Variants in GPER1 observed in about 807,000 individuals in gnomAD.
GPER1 encodes G protein-coupled receptor 30.
A neutral mutation model predicts 0.6 loss-of-function variants in GPER1; 2 were observed. That is an observed-to-expected ratio of 3.41 (90% confidence interval 1.39 to 10.72). The LOEUF is 10.72. GPER1 is among the 30% of genes most tolerant of loss of function. The pLI is 0.04. For synonymous variants in GPER1, 263 were observed against 247.6 expected (o/e 1.06, Z -0.58); for missense variants, 441 against 535.2 (o/e 0.82, Z 1.74).
chr7:1,091,879 G>A lies in GPER1; in HGVS notation c.151G>A (p.Glu51Lys). 1.2e-6 allele frequency: 2 copies of A among 1,613,872 alleles called. No individual in the cohort carries two copies. The highest frequency in any genetic ancestry group is 1.7e-6 in the Non-Finnish European group (2 of 1,179,844). Residue 51 changes from glutamate (E) to lysine (K), a missense_variant, in exon 2 of 2, where the codon GAG becomes AAG. By Grantham distance (56) the Glu-to-Lys change is moderately conservative (BLOSUM62 1). Coordinates refer to ENST00000397088, the MANE Select transcript of GPER1 (RefSeq NM_001098201.3). ...GGCCAATGGGACAGGTGAGCTCTCG[G>A]AGCACCAGCAGTACGTGATCGGCCT... ...ALANGTGELS[E>K]HQQYVIGLFL...
In GPER1 at chr7:1,092,535, C is replaced by T. The variant is rs773193769; in HGVS notation, c.807C>T (p.Phe269=). Residue 269 remains phenylalanine, a synonymous_variant, in exon 2 of 2, where the codon TTC becomes TTT. Transcript: ENST00000397088. ...TCCTCGCGGTGGTGCTGGTCTTCTTCGTCTGCTGGCTGCCGGAGAACGTCT... is the reference window on the plus strand; with the variant it reads ...TCCTCGCGGTGGTGCTGGTCTTCTTTGTCTGCTGGCTGCCGGAGAACGTCT... ...RMILAVVLVF[F]VCWLPENVFI... The T allele has an allele frequency of 8.1e-6, 13 of 1,608,688 alleles. No homozygotes were observed. The highest frequency in any genetic ancestry group is 3.3e-4 in the Middle Eastern group (2 of 6,084).
At position 1,092,033 on chromosome 7, in the gene GPER1, C is replaced by A. The variant is rs772021649; in HGVS notation, c.305C>A (p.Ala102Glu). Residue 102 changes from alanine (A) to glutamate (E), a missense_variant, in exon 2 of 2, where the codon GCG (alanine) becomes GAG (glutamate). Ala to Glu is a moderately radical substitution (Grantham distance 107, BLOSUM62 -1). Coordinates refer to ENST00000397088, the MANE Select transcript of GPER1 (RefSeq NM_001098201.3). ...TIPDLYFINL[A>E]VADLILVADS... The stretch of plus-strand genomic sequence containing the variant: ...CCCGACCTGTACTTCATCAACCTGG[C>A]GGTGGCGGACCTCATCCTGGTGGCC... 1.9e-6 allele frequency: 3 copies of A among 1,613,940 alleles called. No individual in the cohort carries two copies. Among genetic ancestry groups the A allele is most frequent in the East Asian group, 2.2e-5 (1 of 44,882 alleles).
Position 1,088,494 on chromosome 7 carries a change from C to T in GPER1, c.-323+173C>T, listed in dbSNP as rs933970562. On this transcript the variant is annotated intron_variant, in intron 1 of 1. Coordinates refer to ENST00000397088, the MANE Select transcript of GPER1 (RefSeq NM_001098201.3). The surrounding 1 kb of genome is among the most constrained non-coding windows in gnomAD (Gnocchi z 4.5). ...AACTCAAGGCACAGACCCCTCTCCCCCGGAGCTCCGGTGGTCTCAGCGTGA... is the reference window on the plus strand; with the variant it reads ...AACTCAAGGCACAGACCCCTCTCCCTCGGAGCTCCGGTGGTCTCAGCGTGA... Among the ~76,000 whole-genome samples, 1 of 152,208 alleles carries T rather than the reference C, an allele frequency of 6.6e-6. No homozygotes were observed. The highest frequency in any genetic ancestry group is 2.4e-5 in the African/African-American group (1 of 41,466).
Position 1,092,715 on chromosome 7 carries a change from G to A in GPER1, c.987G>A (p.Glu329=). 1 of 1,613,528 alleles carries A rather than the reference G, an allele frequency of 6.2e-7. No individual in the cohort carries two copies. Among genetic ancestry groups the A allele is most frequent in the Non-Finnish European group, 8.5e-7 (1 of 1,180,030 alleles). The change falls in exon 2 of 2, where the codon GAG becomes GAA. Residue 329 remains glutamate, a synonymous_variant. Transcript: ENST00000397088. ...LNPLIYSFLG[E]TFRDKLRLYI... Reference sequence around the variant, plus strand: ...CCCTCATCTACAGCTTTCTCGGGGAGACCTTCAGGGACAAGCTGAGGCTGT... The same window carrying A: ...CCCTCATCTACAGCTTTCTCGGGGAAACCTTCAGGGACAAGCTGAGGCTGT...
intron 1 of GPER1, among the ~76,000 whole-genome samples, chr7:1,090,671 G>A (rs1583783045): frequency 6.6e-6 from 1 of 152,362 alleles, no homozygotes; most frequent in East Asian, 1.9e-4. Flanking sequence ...GCACCGCCGT[G>A]GGCGGACAGC....
Position 1,093,781 on chromosome 7 carries a change from G to A in GPER1, c.*925G>A. The stretch of plus-strand genomic sequence containing the variant: ...AAGCTGATGAGGCTGGTGACGTTCA[G>A]CCTTTGTCAATAAACCTGTCATGTG... On this transcript the variant is annotated 3_prime_UTR_variant, in exon 2 of 2. Coordinates refer to ENST00000397088, the MANE Select transcript of GPER1 (RefSeq NM_001098201.3). 2.3e-6 allele frequency: 1 copy of A among 429,096 alleles called. No homozygotes were observed. Among genetic ancestry groups the A allele is most frequent in the South Asian group, 1.7e-5 (1 of 57,346 alleles). 26.6% of individuals were successfully genotyped at this position (429,096 alleles called of 1,614,324 possible). A position where few individuals can be genotyped will look rare whatever the true frequency, so the allele number is the denominator to read the frequency against.
chr7:1,087,145 G>C (rs1445211870), upstream of GPER1: 1 of 152,264 alleles, frequency 6.6e-6, no homozygotes, highest in African/African-American at 2.4e-5. Flanking sequence ...AGTCCGGGGA[G>C]GGAGGTTTAT....
Position 1,092,699 on chromosome 7 carries a change from A to G in GPER1, c.971A>G (p.Tyr324Cys). Reference sequence around the variant, plus strand: ...AACAGCTGCCTAAACCCCCTCATCTACAGCTTTCTCGGGGAGACCTTCAGG... The same window carrying G: ...AACAGCTGCCTAAACCCCCTCATCTGCAGCTTTCTCGGGGAGACCTTCAGG... ...FSNSCLNPLI[Y>C]SFLGETFRDK... Residue 324 changes from tyrosine (Y) to cysteine (C), a missense_variant, in exon 2 of 2, where the codon TAC becomes TGC. Physicochemically the swap from Tyr to Cys is radical, Grantham distance 194. Coordinates refer to ENST00000397088, the MANE Select transcript of GPER1 (RefSeq NM_001098201.3). 6.2e-7 allele frequency: 1 copy of G among 1,612,970 alleles called. No homozygotes were observed. Among genetic ancestry groups the G allele is most frequent in the Non-Finnish European group, 8.5e-7 (1 of 1,179,884 alleles).
chr7:1,092,565 C>T lies in GPER1; in HGVS notation c.837C>T (p.Ile279=). 2 of 1,610,580 alleles carry T rather than the reference C, an allele frequency of 1.2e-6. No homozygotes were observed. Among genetic ancestry groups the T allele is most frequent in the South Asian group, 1.1e-5 (1 of 91,086 alleles). ...GCTGGCTGCCGGAGAACGTCTTCAT[C>T]AGCGTGCACCTCCTGCAGCGGACGC... ...FVCWLPENVF[I]SVHLLQRTQP... The change falls in exon 2 of 2, where the codon ATC becomes ATT. Residue 279 remains isoleucine, a synonymous_variant. Transcript: ENST00000397088.
rs1483300498 is a variant in GPER1 at position 1,089,809 on chromosome 7, G to A, written c.-323+1488G>A. Among the ~76,000 whole-genome samples, 9 of 150,658 alleles carry A rather than the reference G, an allele frequency of 6.0e-5. No individual in the cohort carries two copies. In the East Asian group the frequency reaches 9.8e-4, roughly 16 times the overall value. ...TCAAAACAATAACCCCTGGCCCGGC[G>A]CGGTGGATCACACCTGTAATCCCAG... On this transcript the variant is annotated intron_variant, in intron 1 of 1. Coordinates refer to ENST00000397088, the MANE Select transcript of GPER1 (RefSeq NM_001098201.3).
In GPER1 at chr7:1,092,810, C is replaced by T; in HGVS notation, c.1082C>T (p.Pro361Leu). The T allele has an allele frequency of 6.2e-7, 1 of 1,613,424 alleles. No homozygotes were observed. The highest frequency in any genetic ancestry group is 8.5e-7 in the Non-Finnish European group (1 of 1,179,928). ...CACGCTGCCCTGAAGGCCGTCATTC[C>T]AGACAGCACCGAGCAGTCGGATGTG... is the stretch of plus-strand genomic sequence containing the variant. ...FCHAALKAVI[P>L]DSTEQSDVRF... The change falls in exon 2 of 2, where the codon CCA becomes CTA. Residue 361 changes from proline to leucine, a missense_variant. Physicochemically the swap from Pro to Leu is moderately conservative, Grantham distance 98. Coordinates refer to ENST00000397088, the MANE Select transcript of GPER1 (RefSeq NM_001098201.3).
At chr7:1,091,382 T>C (rs1787959669) in intron 1 of GPER1, 25 bp from the exon 2 acceptor site, 1 of 231,246 alleles carries the variant, frequency 4.3e-6, no homozygotes, top group Non-Finnish European at 8.5e-6. Context: ...CGATGAGACT[T>C]CATCCTCTCC....
chr7:1,092,706 T>C lies in GPER1; in HGVS notation c.978T>C (p.Phe326=), dbSNP rs1478745297. 5 of 1,613,346 alleles carry C rather than the reference T, an allele frequency of 3.1e-6. No homozygotes were observed. The highest frequency in any genetic ancestry group is 3.4e-6 in the Non-Finnish European group (4 of 1,180,028). The change falls in exon 2 of 2, where the codon TTT becomes TTC. Residue 326 remains phenylalanine (F), a synonymous_variant. Transcript: ENST00000397088. ...NSCLNPLIYS[F]LGETFRDKLR... Reference sequence around the variant, plus strand: ...GCCTAAACCCCCTCATCTACAGCTTTCTCGGGGAGACCTTCAGGGACAAGC... The same window carrying C: ...GCCTAAACCCCCTCATCTACAGCTTCCTCGGGGAGACCTTCAGGGACAAGC...
Position 1,092,010 on chromosome 7 carries a change from C to T in GPER1, c.282C>T (p.Pro94=), listed in dbSNP as rs370663610. ...NISFREKMTI[P]DLYFINLAVA... ...GCTTCCGCGAGAAGATGACCATCCC[C>T]GACCTGTACTTCATCAACCTGGCGG... Residue 94 remains proline (P), a synonymous_variant, in exon 2 of 2, where the codon CCC becomes CCT. Coordinates refer to ENST00000397088, the MANE Select transcript of GPER1 (RefSeq NM_001098201.3). 8.7e-6 allele frequency: 14 copies of T among 1,614,066 alleles called. No homozygotes were observed. Among genetic ancestry groups the T allele is most frequent in the South Asian group, 4.4e-5 (4 of 91,090 alleles).
chr7:1,087,132 G>C (rs1334217726), upstream of GPER1: 4 of 152,278 alleles, frequency 2.6e-5, no homozygotes, highest in African/African-American at 7.2e-5. Context: ...CAGCGGCCCC[G>C]AGAGTCCGGG....
At chr7:1,089,138 G>A (rs955361982) in intron 1 of GPER1, among the ~76,000 whole-genome samples, 5 of 152,136 alleles carry the variant, frequency 3.3e-5, no homozygotes, top group Admixed American at 6.6e-5. Context: ...CCTCTGTGCC[G>A]TTTTTAAGAA....
chr7:1,092,358 T>C lies in GPER1; in HGVS notation c.630T>C (p.Asp210=). ...ACGAGGCCTGCTTCTGTTTCGCGGATGTCCGGGAGGTGCAGTGGCTCGAGG... is the reference window on the plus strand; with the variant it reads ...ACGAGGCCTGCTTCTGTTTCGCGGACGTCCGGGAGGTGCAGTGGCTCGAGG... The part of the protein sequence containing the change: ...HTDEACFCFA[D]VREVQWLEVT... The change falls in exon 2 of 2, where the codon GAT becomes GAC. Residue 210 remains aspartate (D), a synonymous_variant. Coordinates refer to ENST00000397088, the MANE Select transcript of GPER1 (RefSeq NM_001098201.3). 1 of 1,611,422 alleles carries C rather than the reference T, an allele frequency of 6.2e-7. No individual in the cohort carries two copies. The highest frequency in any genetic ancestry group is 2.2e-5 in the East Asian group (1 of 44,836).
At position 1,091,836 on chromosome 7, in the gene GPER1, G is replaced by A. The variant is rs199519155; in HGVS notation, c.108G>A (p.Pro36=). ...TTSPELNLSH[P]LLGTALANGT... is the part of the protein sequence containing the mutation. ...CCCCCGAGCTCAACCTGTCCCACCC[G>A]CTCCTGGGCACCGCCCTGGCCAATG... The change falls in exon 2 of 2, where the codon CCG becomes CCA. Residue 36 remains proline, a synonymous_variant. Coordinates refer to ENST00000397088, the MANE Select transcript of GPER1 (RefSeq NM_001098201.3). 45 of 1,605,610 alleles carry A rather than the reference G, an allele frequency of 2.8e-5. No homozygotes were observed. The highest frequency in any genetic ancestry group is 6.7e-5 in the East Asian group (3 of 44,726).
rs368106157 is a variant in GPER1, at chr7:1,090,605, A to C, written c.-322-802A>C. Among the ~76,000 whole-genome samples the C allele has an allele frequency of 6.5e-3, 813 of 124,826 alleles. 7 individuals carry two copies. Among genetic ancestry groups the C allele is most frequent in the African/African-American group, 0.025 (770 of 31,110 alleles). The allele number at this position is 124,826 out of a possible 152,430, so 81.9% of individuals were successfully genotyped here. ...GACGGGACCTCTCCACTGGCGGCAG[A>C]GCCAGGGTGACACGGGGTGGGTGAC... On this transcript the variant is annotated intron_variant, in intron 1 of 1. Transcript: ENST00000397088.
Sources: gnomAD v4.1 joint callset for allele counts (sites outside exome capture counted in the v4.1 genomes callset) on GRCh38, gnomAD v4.1.1 for gene constraint, Gnocchi (gnomAD v3.1) non-coding constraint, MANE v1.5 for transcripts, NCBI Gene and HGNC (gene_info 2026-07-23, HGNC 2026-07-21) for gene names.